TLK1: variants seen among roughly 807,000 people sequenced by gnomAD.
TLK1 encodes serine/threonine-protein kinase tousled-like 1.
TLK1 carries 24 observed loss-of-function variants against 105.3 expected under a neutral mutation model. The observed-to-expected ratio is 0.23, with a 90% CI of 0.17 to 0.32. TLK1 has a LOEUF of 0.32. TLK1 is among the 10% of genes least tolerant of loss of function. The pLI, the probability that TLK1 is intolerant of heterozygous loss-of-function variation, is 1.00. For synonymous variants in TLK1, 321 were observed against 310.4 expected, an observed-to-expected ratio of 1.03 and a Z score of -0.36; for missense variants, 558 against 910.5, an observed-to-expected ratio of 0.61 and a Z score of 4.98.
At chr2:171,061,557 T>C (rs1268106698) in intron 3 of TLK1, among the ~76,000 whole-genome samples, 4 of 152,190 alleles carry the variant, frequency 2.6e-5, no homozygotes, top group African/African-American at 7.2e-5. Flanking sequence ...ACTTAGTGTA[T>C]AAAAGTAAAC....
In TLK1 at chr2:171,021,968, T is replaced by TGGCA. The variant is rs1252952799; in HGVS notation, c.1236+6367_1236+6370dup. Among the ~76,000 whole-genome samples, 7 of 151,868 alleles carry TGGCA rather than the reference T, an allele frequency of 4.6e-5. No homozygotes were observed. The East Asian group carries it at 1.2e-3, about 25-fold the overall frequency. On this transcript the variant is annotated intron_variant, in intron 12 of 20. Coordinates refer to ENST00000431350, the MANE Select transcript of TLK1 (RefSeq NM_012290.5). ...ATATATAAAAATTAGCCAGGCATGG[T>TGGCA]GGCACATGCCTGTAATCCCAGCTAC...
rs190919848 is a variant in TLK1 at position 171,165,908 on chromosome 2, C to T, written c.-5-48051G>A. Among the ~76,000 whole-genome samples the T allele has an allele frequency of 2.1e-3, 318 of 152,118 alleles. 4 individuals are homozygous for T. Among genetic ancestry groups the T allele is most frequent in the African/African-American group, 6.6e-3 (275 of 41,462 alleles). ...CCTGGGCAACAGAGGGAGACCCCAT[C>T]TCAAAAAAAAGAAATGAGTCCGGAG... is the stretch of plus-strand genomic sequence containing the variant. On this transcript the variant is annotated intron_variant, in intron 1 of 20. Transcript: ENST00000521943.
chr2:170,996,551 C>T (rs1468086093), intron 20 of TLK1, 102 bp downstream of exon 20: 12 of 867,832 alleles, frequency 1.4e-5, no homozygotes, highest in Admixed American at 5.4e-5. Context: ...CCTGCAGCAG[C>T]GAGTCTTGTG....
At chr2:171,141,546 A>G (rs1691574901) in intron 1 of TLK1, among the ~76,000 whole-genome samples, 1 of 149,700 alleles carries the variant, frequency 6.7e-6, no homozygotes, top group Admixed American at 6.6e-5. Flanking sequence ...CCCCACTCCA[A>G]CAAAAACAAA....
intron 2 of TLK1, among the ~76,000 whole-genome samples, chr2:171,106,846 A>G (rs1448400914): frequency 1.3e-5 from 2 of 152,210 alleles, no homozygotes; most frequent in Admixed American, 6.5e-5. Context: ...TAAAATTACA[A>G]CTTAAAAGAC....
intron 7 of TLK1, 82 bp from the exon 8 acceptor site, chr2:171,053,935 C>G: frequency 9.4e-7 from 1 of 1,062,908 alleles, no homozygotes; most frequent in South Asian, 1.8e-5. Flanking sequence ...ACTCCAAATT[C>G]AAAAGGTAAA....
intron 1 of TLK1, among the ~76,000 whole-genome samples, chr2:171,177,915 C>T (rs1989612): frequency 0.045 from 6,888 of 152,036 alleles, 460 homozygotes; most frequent in East Asian, 0.3. Context: ...TACCTCAGCC[C>T]CCCAAGTAGC....
chr2:171,206,767 G>GCC (rs1693515431), intron 1 of TLK1, among the ~76,000 whole-genome samples: 1 of 152,176 alleles, frequency 6.6e-6, no homozygotes, highest in African/African-American at 2.4e-5. Flanking sequence ...CACCAAAGAA[G>GCC]ATCTACAGAT....
At chr2:171,030,949 C>T (rs190999263) in intron 11 of TLK1, among the ~76,000 whole-genome samples, 7 of 151,324 alleles carry the variant, frequency 4.6e-5, no homozygotes, top group Non-Finnish European at 8.8e-5. Context: ...AGGAGAAACG[C>T]TATTTTGTTG....
At chr2:171,189,301 G>A (rs1406564138) in intron 1 of TLK1, among the ~76,000 whole-genome samples, 2 of 151,750 alleles carry the variant, frequency 1.3e-5, no homozygotes, top group Admixed American at 6.6e-5. Context: ...TGAATAGCTG[G>A]GATTACAGGC....
intron 12 of TLK1, among the ~76,000 whole-genome samples, chr2:171,019,445 T>C (rs529617567): frequency 1.3e-5 from 2 of 152,324 alleles, no homozygotes; most frequent in South Asian, 4.1e-4. Flanking sequence ...AAAGGTGAAA[T>C]ATGGTAGGCA....
At chr2:171,141,803 T>C (rs150917765) in intron 1 of TLK1, among the ~76,000 whole-genome samples, 1,943 of 150,362 alleles carry the variant, frequency 0.013, 19 homozygotes, top group Non-Finnish European at 0.019. Flanking sequence ...CCTCAACAGA[T>C]AGGCCCAAAT....
rs187468908 is a variant in TLK1, at chr2:171,204,899, G to A, written c.-6+26246C>T. ...CTTGAACCCGGGATTCGGAGGTTGC[G>A]GTCAGAGCGTGCCACTGCACCCCAG... On this transcript the variant is annotated intron_variant, in intron 1 of 20. Coordinates refer to the TLK1 transcript ENST00000521943. 5.3e-3 allele frequency among the ~76,000 whole-genome samples: 806 copies of A among 151,816 alleles called. 5 individuals are homozygous for A. Among genetic ancestry groups the A allele is most frequent in the African/African-American group, 0.018 (757 of 41,412 alleles).
intron 2 of TLK1, among the ~76,000 whole-genome samples, chr2:171,089,447 T>A (rs1481719067): frequency 6.6e-6 from 1 of 152,244 alleles, no homozygotes; most frequent in Non-Finnish European, 1.5e-5. Context: ...GATTTTTCTA[T>A]CATGATAAGA....
At chr2:171,190,267 G>A (rs1473752809) in intron 1 of TLK1, among the ~76,000 whole-genome samples, 1 of 152,144 alleles carries the variant, frequency 6.6e-6, no homozygotes, top group East Asian at 1.9e-4. Context: ...TGCCAACCAT[G>A]GAGGTATAGG....
chr2:171,226,021 CT>C (rs971736583), intron 1 of TLK1, among the ~76,000 whole-genome samples: 2 of 152,166 alleles, frequency 1.3e-5, no homozygotes, highest in African/African-American at 4.8e-5. Flanking sequence ...ATATAATACT[CT>C]CTCACCACCC....
intron 2 of TLK1, among the ~76,000 whole-genome samples, chr2:171,085,113 G>T (rs867400518): frequency 6.6e-6 from 1 of 152,150 alleles, no homozygotes; most frequent in Admixed American, 6.5e-5. Context: ...CTGATGGCTG[G>T]GCACAGTGGC....
chr2:171,204,044 A>T (rs987747073), intron 1 of TLK1, among the ~76,000 whole-genome samples: 5 of 151,838 alleles, frequency 3.3e-5, no homozygotes, highest in African/African-American at 1.2e-4. Context: ...ACAGAGAGAG[A>T]CTCTGTCTCA....
intron 2 of TLK1, among the ~76,000 whole-genome samples, chr2:171,114,479 G>A (rs1241439231): frequency 6.6e-6 from 1 of 152,142 alleles, no homozygotes; most frequent in African/African-American, 2.4e-5. Context: ...TCAAGGAGAT[G>A]GGCTGTTGCT....
Sources: allele counts gnomAD v4.1 joint callset (sites outside exome capture counted in the v4.1 genomes callset), GRCh38; gene constraint gnomAD v4.1.1; transcripts MANE v1.5; gene names NCBI Gene and HGNC (gene_info 2026-07-23, HGNC 2026-07-21).